Variants in LRRC4C observed in about 807,000 individuals in gnomAD.
LRRC4C encodes the protein leucine-rich repeat-containing protein 4C.
A neutral mutation model predicts 33.6 loss-of-function variants in LRRC4C; 5 were observed. The ratio of observed to expected loss-of-function variants is 0.15; its 90% CI spans 0.08 to 0.31. LRRC4C has a LOEUF of 0.31. Ranked by LOEUF, LRRC4C falls within the 10% of genes least tolerant of loss-of-function variation. LRRC4C has a pLI of 1.00. For missense variants in LRRC4C, 560 were observed against 796.7 expected (o/e 0.70, Z 3.58); for synonymous variants, 329 against 302.0 (o/e 1.09, Z -0.93).
chr11:41,358,500 AT>A (rs1952238958), intron 1 of LRRC4C, among the ~76,000 whole-genome samples: 1 of 152,214 alleles, frequency 6.6e-6, no homozygotes, highest in Admixed American at 6.5e-5. Context: ...CAAAAGACAC[AT>A]TTAACAAAGG....
intron 1 of LRRC4C, among the ~76,000 whole-genome samples, chr11:41,055,138 T>G (rs1032360069): frequency 1.3e-5 from 2 of 152,176 alleles, no homozygotes; most frequent in African/African-American, 4.8e-5. Flanking sequence ...TTATCCTGAC[T>G]TATAATACCA....
At chr11:41,043,271 G>T (rs904399488) in intron 1 of LRRC4C, among the ~76,000 whole-genome samples, 3 of 151,886 alleles carry the variant, frequency 2.0e-5, no homozygotes, top group Non-Finnish European at 2.9e-5. Context: ...CTTGGCTCTT[G>T]CACTTTATGG....
chr11:40,756,951 T>A (rs1321943047), intron 2 of LRRC4C, among the ~76,000 whole-genome samples: 2 of 151,964 alleles, frequency 1.3e-5, no homozygotes, highest in Non-Finnish European at 2.9e-5. Context: ...AAAGTGGACA[T>A]CCCACAGAAG....
At chr11:41,177,619 T>C (rs1287697350) in intron 1 of LRRC4C, among the ~76,000 whole-genome samples, 4 of 152,186 alleles carry the variant, frequency 2.6e-5, no homozygotes. Context: ...TTCATTTGGA[T>C]GAGTCAATTC....
In LRRC4C at chr11:41,063,834, G is replaced by T. The variant is rs571787152; in HGVS notation, c.-495-130111C>A. Among the ~76,000 whole-genome samples, 9 of 152,322 alleles carry T rather than the reference G, an allele frequency of 5.9e-5. No individual in the cohort carries two copies. The South Asian group carries it at 1.9e-3, about 32-fold the overall frequency. On this transcript the variant is annotated intron_variant, in intron 1 of 6. Transcript: ENST00000528697. ...GACCAGAGTTGCATTACAGAAGATTGTTCTGGCTGCCATGTAGAGAAAGTA... is the reference window on the plus strand; with the variant it reads ...GACCAGAGTTGCATTACAGAAGATTTTTCTGGCTGCCATGTAGAGAAAGTA...
chr11:40,976,414 A>G (rs1852087649), intron 1 of LRRC4C, among the ~76,000 whole-genome samples: 1 of 152,218 alleles, frequency 6.6e-6, no homozygotes, highest in Non-Finnish European at 1.5e-5. Context: ...GGGCATTTTC[A>G]GTGATGCCAC....
intron 2 of LRRC4C, among the ~76,000 whole-genome samples, chr11:40,664,604 C>T (rs964782351): frequency 6.6e-6 from 1 of 151,616 alleles, no homozygotes; most frequent in Non-Finnish European, 1.5e-5. Flanking sequence ...TTAAAGAAAA[C>T]AGCAGCAATG....
At position 40,776,920 on chromosome 11, in the gene LRRC4C, C is replaced by T. The variant is rs57262681; in HGVS notation, c.-406-128642G>A. Among the ~76,000 whole-genome samples the T allele has an allele frequency of 3.6e-3, 543 of 152,172 alleles. 5 individuals are homozygous for T. The highest frequency in any genetic ancestry group is 0.012 in the African/African-American group (517 of 41,526). Reference sequence around the variant, plus strand: ...TTTGCATCCCAAATATTTTGATATGCTATGTCTCCTTTTTCACTTATTTCA... The same window carrying T: ...TTTGCATCCCAAATATTTTGATATGTTATGTCTCCTTTTTCACTTATTTCA... On this transcript the variant is annotated intron_variant, in intron 2 of 6. Coordinates refer to ENST00000528697, the MANE Select transcript of LRRC4C (RefSeq NM_001258419.2).
At chr11:40,739,908 A>ATG (rs1026061696) in intron 2 of LRRC4C, among the ~76,000 whole-genome samples, 11 of 151,724 alleles carry the variant, frequency 7.3e-5, no homozygotes, top group African/African-American at 1.9e-4. Context: ...GTATGTATGT[A>ATG]TGTGTGTGTG....
At chr11:41,428,359 T>C (rs1307125869) in intron 1 of LRRC4C, among the ~76,000 whole-genome samples, 1 of 152,152 alleles carries the variant, frequency 6.6e-6, no homozygotes, top group African/African-American at 2.4e-5. Flanking sequence ...AGAGTCTTAT[T>C]TAAACAACCA....
In LRRC4C at chr11:41,348,316, A is replaced by C. The variant is rs535972150; in HGVS notation, c.-496+111115T>G. On this transcript the variant is annotated intron_variant, in intron 1 of 6. Coordinates refer to ENST00000528697, the MANE Select transcript of LRRC4C (RefSeq NM_001258419.2). ...CAAAACTCAATTCATGGTGGTCAGA[A>C]GTCAAAAACTGAAATAAAAAGTGTT... 1.0e-3 allele frequency among the ~76,000 whole-genome samples: 159 copies of C among 152,312 alleles called. 4 individuals are homozygous for C. Among genetic ancestry groups the C allele is most frequent in the South Asian group, 7.5e-3 (36 of 4,828 alleles).
intron 1 of LRRC4C, among the ~76,000 whole-genome samples, chr11:41,060,490 T>C (rs977510287): frequency 1.1e-4 from 17 of 152,202 alleles, no homozygotes; most frequent in African/African-American, 4.1e-4. Flanking sequence ...CAGATGGCTG[T>C]CTTCTCCCTG....
intron 1 of LRRC4C, among the ~76,000 whole-genome samples, chr11:41,311,349 C>T (rs1361455243): frequency 3.3e-5 from 5 of 151,630 alleles, no homozygotes; most frequent in Non-Finnish European, 7.4e-5. Context: ...GAAACCAAAA[C>T]AAAAAACACC....
chr11:40,137,761 T>A (rs1857081057), intron 6 of LRRC4C, among the ~76,000 whole-genome samples: 1 of 152,184 alleles, frequency 6.6e-6, no homozygotes, highest in African/African-American at 2.4e-5. Context: ...ATAAAATGTG[T>A]GTGGTAGCAT....
chr11:40,390,256 G>C (rs1483240516), intron 3 of LRRC4C, among the ~76,000 whole-genome samples: 1 of 152,124 alleles, frequency 6.6e-6, no homozygotes, highest in East Asian at 1.9e-4. Flanking sequence ...GTACGAGACA[G>C]TTAAAGAAGC....
chr11:40,963,978 C>T (rs1236412098), intron 1 of LRRC4C, among the ~76,000 whole-genome samples: 3 of 151,730 alleles, frequency 2.0e-5, no homozygotes, highest in African/African-American at 4.8e-5. Flanking sequence ...CTGAGCTCCA[C>T]ATCTCGGTAG....
chr11:41,274,718 CTTTGTTCTTTCA>C (rs1471561009), intron 1 of LRRC4C, among the ~76,000 whole-genome samples: 4 of 152,066 alleles, frequency 2.6e-5, no homozygotes, highest in Non-Finnish European at 2.9e-5. Context: ...ATTGTGGAAG[CTTTGTTCTTTCA>C]CTCTTCACAA....
chr11:40,885,533 A>C (rs531934725), intron 2 of LRRC4C, among the ~76,000 whole-genome samples: 5 of 152,224 alleles, frequency 3.3e-5, no homozygotes, highest in African/African-American at 1.2e-4. Context: ...TAAGCTCTGT[A>C]ATGATTTGAG....
At chr11:40,500,287 TATATATACACACACACACACAC>T (rs1342843315) in intron 3 of LRRC4C, among the ~76,000 whole-genome samples, 1 of 71,058 alleles carries the variant, frequency 1.4e-5, no homozygotes, top group African/African-American at 4.9e-5. Context: ...TATATATATA[TATATATACACACACACACACAC>T]ACACACACAC....
Sources: gnomAD v4.1 joint callset for allele counts (sites outside exome capture counted in the v4.1 genomes callset) on GRCh38, gnomAD v4.1.1 for gene constraint, MANE v1.5 for transcripts, NCBI Gene and HGNC (gene_info 2026-07-23, HGNC 2026-07-21) for gene names.